ZMAT4: variants seen among roughly 807,000 people sequenced by gnomAD.
The protein encoded by ZMAT4 is zinc finger matrin-type protein 4.
ZMAT4 carries 17 observed loss-of-function variants against 28.7 expected under a neutral mutation model. The ratio of observed to expected loss-of-function variants is 0.59; its 90% confidence interval spans 0.41 to 0.89. ZMAT4 has a LOEUF of 0.89. Among genes scored for constraint, ZMAT4 ranks in the 40% least tolerant of loss-of-function variants. The pLI, the probability that ZMAT4 is intolerant of heterozygous loss-of-function variation, is 0.00. For missense variants in ZMAT4, 240 were observed against 283.8 expected (o/e 0.85, Z 1.11); for synonymous variants, 117 against 109.2 (o/e 1.07, Z -0.44).
rs528841894 is a variant in ZMAT4 at position 40,622,858 on chromosome 8, A to T, written c.578-41597T>A. Among the ~76,000 whole-genome samples, 60 of 152,266 alleles carry T rather than the reference A, an allele frequency of 3.9e-4. 1 individual carries two copies. The highest frequency in any genetic ancestry group is 3.4e-3 in the Middle Eastern group (1 of 294). The stretch of plus-strand genomic sequence containing the variant: ...TGAGGGATCCACCCCCATGACCCAA[A>T]CACCTCCCACCAGGTCCAACCTCCA... On this transcript the variant is annotated intron_variant, in intron 5 of 6. Transcript: ENST00000297737.
At chr8:40,631,502 A>G (rs1398381498) in intron 5 of ZMAT4, among the ~76,000 whole-genome samples, 1 of 100,016 alleles carries the variant, frequency 1.0e-5, no homozygotes, top group Non-Finnish European at 2.5e-5. Context: ...GTAGACACTA[A>G]GGCTTAGAAA....
chr8:40,780,655 A>G (rs1813790216), intron 2 of ZMAT4, among the ~76,000 whole-genome samples: 1 of 152,210 alleles, frequency 6.6e-6, no homozygotes, highest in African/African-American at 2.4e-5. Flanking sequence ...AAGCAAAAAC[A>G]TGAAATCATA....
At chr8:40,887,747 A>C (rs1049412787) in intron 1 of ZMAT4, among the ~76,000 whole-genome samples, 2 of 152,000 alleles carry the variant, frequency 1.3e-5, no homozygotes, top group Admixed American at 1.3e-4. Context: ...CCCTCAACCC[A>C]CTTCCCCTGC....
chr8:40,731,424 G>GAGAT (rs955690328), intron 3 of ZMAT4, among the ~76,000 whole-genome samples: 3 of 151,690 alleles, frequency 2.0e-5, no homozygotes, highest in African/African-American at 7.3e-5. Flanking sequence ...TGATCAGACA[G>GAGAT]AGAGAGAGAG....
intron 1 of ZMAT4, among the ~76,000 whole-genome samples, chr8:40,878,582 T>G (rs907482451): frequency 6.6e-6 from 1 of 152,234 alleles, no homozygotes; most frequent in Non-Finnish European, 1.5e-5. Flanking sequence ...GTCTAGCACA[T>G]AGCCCAAGAC....
chr8:40,599,882 A>T (rs1805239811), intron 5 of ZMAT4, among the ~76,000 whole-genome samples: 1 of 152,002 alleles, frequency 6.6e-6, no homozygotes, highest in Admixed American at 6.5e-5. Context: ...ATCTTTCCTT[A>T]CCACGCACAG....
intron 6 of ZMAT4, among the ~76,000 whole-genome samples, chr8:40,579,714 C>T (rs1451685): frequency 0.98 from 149,483 of 152,306 alleles, 73,426 homozygotes; most frequent in Middle Eastern, 1. Context: ...GCTTAGAAAA[C>T]TGTTACTCAT....
At chr8:40,743,231 C>A (rs888353416) in intron 3 of ZMAT4, among the ~76,000 whole-genome samples, 4 of 152,172 alleles carry the variant, frequency 2.6e-5, no homozygotes, top group Non-Finnish European at 4.4e-5. Flanking sequence ...TAATTGAGGT[C>A]TTTCCCTACT....
At chr8:40,740,021 C>A (rs1336947110) in intron 3 of ZMAT4, among the ~76,000 whole-genome samples, 1 of 152,144 alleles carries the variant, frequency 6.6e-6, no homozygotes, top group African/African-American at 2.4e-5. Flanking sequence ...TATGTTGCCA[C>A]ATTTTCTTTA....
chr8:40,602,180 G>A (rs951398254), intron 5 of ZMAT4, among the ~76,000 whole-genome samples: 2 of 152,112 alleles, frequency 1.3e-5, no homozygotes, highest in African/African-American at 2.4e-5. Context: ...CAGGTTGCGC[G>A]AATGCCATTA....
intron 1 of ZMAT4, among the ~76,000 whole-genome samples, chr8:40,862,872 T>C (rs1817554507): frequency 6.7e-6 from 1 of 149,810 alleles, no homozygotes; most frequent in Non-Finnish European, 1.5e-5. Context: ...CTAATGTAAA[T>C]GATGAGTTAA....
At chr8:40,573,613 G>C (rs183995860) in intron 6 of ZMAT4, among the ~76,000 whole-genome samples, 1 of 152,120 alleles carries the variant, frequency 6.6e-6, no homozygotes, top group Non-Finnish European at 1.5e-5. Context: ...GGCTCTGAGG[G>C]GATCCTGAAT....
intron 2 of ZMAT4, among the ~76,000 whole-genome samples, chr8:40,803,067 G>T (rs1266190502): frequency 6.6e-6 from 1 of 151,928 alleles, no homozygotes; most frequent in African/African-American, 2.4e-5. Context: ...TCCACAAAAA[G>T]GAACACAAAA....
At chr8:40,857,111 G>T (rs542831869) in intron 1 of ZMAT4, among the ~76,000 whole-genome samples, 4 of 152,290 alleles carry the variant, frequency 2.6e-5, no homozygotes, top group African/African-American at 9.6e-5. Context: ...CCTGGAGGGA[G>T]GGAGGCAAGT....
At chr8:40,770,866 A>C (rs970952299) in intron 2 of ZMAT4, among the ~76,000 whole-genome samples, 16 of 152,012 alleles carry the variant, frequency 1.1e-4, no homozygotes, top group African/African-American at 3.9e-4. Flanking sequence ...AGACACTTAC[A>C]GTGTCTTCCT....
chr8:40,556,693 ATACTT>A (rs2118445897), intron 6 of ZMAT4, among the ~76,000 whole-genome samples: 1 of 152,320 alleles, frequency 6.6e-6, no homozygotes, highest in East Asian at 1.9e-4. Context: ...CACATGTAGA[ATACTT>A]TAATTGATAC....
rs140749777 is a variant in ZMAT4, at chr8:40,834,156, G to A, written c.-4-8476C>T. On this transcript the variant is annotated intron_variant, in intron 1 of 6. Coordinates refer to ENST00000297737, the MANE Select transcript of ZMAT4 (RefSeq NM_024645.3). ...GGCACATGCACCTCACCCCAGCCGCGGGCCGTGGAACCAGAGCTGTCAGTC... is the reference window on the plus strand; with the variant it reads ...GGCACATGCACCTCACCCCAGCCGCAGGCCGTGGAACCAGAGCTGTCAGTC... Among the ~76,000 whole-genome samples the A allele has an allele frequency of 2.0e-4, 30 of 152,296 alleles. No individual in the cohort carries two copies. The East Asian group carries it at 3.9e-3, about 20-fold the overall frequency.
chr8:40,860,936 A>T (rs1817468023), intron 1 of ZMAT4, among the ~76,000 whole-genome samples: 1 of 152,166 alleles, frequency 6.6e-6, no homozygotes, highest in South Asian at 2.1e-4. Context: ...TCCCAGGAGA[A>T]GTGGTGGGAG....
intron 3 of ZMAT4, among the ~76,000 whole-genome samples, chr8:40,758,478 G>T (rs1362843296): frequency 6.6e-6 from 1 of 152,084 alleles, no homozygotes; most frequent in African/African-American, 2.4e-5. Flanking sequence ...ACGTATTAAA[G>T]AACTATGGCA....
Sources: allele counts gnomAD v4.1 joint callset (sites outside exome capture counted in the v4.1 genomes callset), GRCh38; gene constraint gnomAD v4.1.1; transcripts MANE v1.5; gene names NCBI Gene and HGNC (gene_info 2026-07-23, HGNC 2026-07-21).